SLC22A25: variants seen among roughly 807,000 people sequenced by gnomAD.
SLC22A25 encodes the protein MGI:2442751, MGI:2385316, MGI:3042283, MGI:3645714, MGI:3605624, MGI:2442750.
SLC22A25 carries 44 observed loss-of-function variants against 45.9 expected under a neutral mutation model. That is an observed-to-expected ratio of 0.96 (90% CI 0.75 to 1.23). The LOEUF (loss-of-function observed/expected upper bound fraction) is 1.23, where lower values mean the gene tolerates loss of function less well. Ranked by LOEUF, SLC22A25 falls within the 50% of genes most tolerant of loss-of-function variation. The pLI is 0.00. For missense variants in SLC22A25, 800 were observed against 666.4 expected (o/e 1.20, Z -2.21); for synonymous variants, 283 against 238.6 (o/e 1.19, Z -1.72).
At chr11:63,241,374 G>T (rs749347223) in intron 1 of SLC22A25, among the ~76,000 whole-genome samples, 3 of 152,042 alleles carry the variant, frequency 2.0e-5, no homozygotes, top group Admixed American at 6.6e-5. Flanking sequence ...ATATTTGATT[G>T]GTTAGTGCTT....
chr11:63,187,531 T>C (rs1238759373), intron 7 of SLC22A25, among the ~76,000 whole-genome samples: 9 of 152,040 alleles, frequency 5.9e-5, no homozygotes. Context: ...ATTGAATACA[T>C]TTATTTCCTT....
At chr11:63,220,142 T>A (rs560624562) in intron 5 of SLC22A25, 2 of 560,296 alleles carry the variant, frequency 3.6e-6, no homozygotes, top group South Asian at 3.6e-5. Flanking sequence ...TTGTAATACC[T>A]CTAAAAAGCT....
At chr11:63,178,933 A>G (rs753504873) in intron 9 of SLC22A25, among the ~76,000 whole-genome samples, 2 of 151,302 alleles carry the variant, frequency 1.3e-5, no homozygotes, top group Non-Finnish European at 2.9e-5. Context: ...TTCTAGTATT[A>G]TCATAGTTTT....
intron 5 of SLC22A25, chr11:63,218,088 T>C (rs1218866435): frequency 1.7e-5 from 8 of 483,002 alleles, no homozygotes; most frequent in Non-Finnish European, 3.3e-5. Flanking sequence ...CACATGTTCA[T>C]TGAAGCACTA....
chr11:63,183,442 C>A (rs916171195), intron 8 of SLC22A25, among the ~76,000 whole-genome samples: 4 of 152,056 alleles, frequency 2.6e-5, no homozygotes, highest in Admixed American at 2.0e-4. Flanking sequence ...GAGTCCAGTG[C>A]AAAATTTGCA....
intron 5 of SLC22A25, among the ~76,000 whole-genome samples, chr11:63,221,978 C>T (rs12416737): frequency 0.37 from 55,663 of 151,828 alleles, 10,506 homozygotes; most frequent in East Asian, 0.56. Flanking sequence ...CATTCTGTTC[C>T]ATTGGTCTAT....
chr11:63,187,398 A>G (rs1046430719), intron 7 of SLC22A25, among the ~76,000 whole-genome samples: 12 of 152,168 alleles, frequency 7.9e-5, no homozygotes, highest in African/African-American at 2.9e-4. Context: ...CTTATTTTAT[A>G]TCCTGAGACT....
chr11:63,215,051 A>C (rs1300341901), intron 7 of SLC22A25, among the ~76,000 whole-genome samples: 1 of 152,212 alleles, frequency 6.6e-6, no homozygotes, highest in Non-Finnish European at 1.5e-5. Flanking sequence ...AGAACCAGAA[A>C]TAACATTTGA....
chr11:63,236,651 T>C (rs901087956), intron 3 of SLC22A25, among the ~76,000 whole-genome samples: 4 of 151,834 alleles, frequency 2.6e-5, no homozygotes, highest in East Asian at 1.9e-4. Flanking sequence ...CCCACTGTCC[T>C]GCACCCACTG....
Position 63,161,232 on chromosome 11 carries a change from A to G in SLC22A25, c.*2592T>C, listed in dbSNP as rs1018375278. Among the ~76,000 whole-genome samples, 4 of 152,196 alleles carry G rather than the reference A, an allele frequency of 2.6e-5. No individual in the cohort carries two copies. The highest frequency in any genetic ancestry group is 1.3e-4 in the Admixed American group (2 of 15,274). On this transcript the variant is annotated 3_prime_UTR_variant, in exon 12 of 12. Coordinates refer to ENST00000306494, the MANE Select transcript of SLC22A25 (RefSeq NM_199352.6). ...CAATGCCTGTACCCCCATTGTATCT[A>G]GGAAGTAACCAATTTCTTTTGATTT...
At chr11:63,214,835 A>C (rs1057159326) in intron 7 of SLC22A25, among the ~76,000 whole-genome samples, 2 of 152,006 alleles carry the variant, frequency 1.3e-5, no homozygotes, top group African/African-American at 4.8e-5. Context: ...TAAATAATAA[A>C]TATCCTCCTG....
At position 63,229,625 on chromosome 11, in the gene SLC22A25, C is replaced by T. The variant is rs769778642; in HGVS notation, c.28G>A (p.Val10Ile). MAFQDLLDQ[V>I]GGLGRFQILQ... is the part of the protein sequence containing the mutation. ...ATCTGGAATCTCCCCAGGCCTCCAA[C>T]TTGATCTAGGAGGTCCTGAAAGGCC... The change falls in exon 4 of 12, where the codon GTT becomes ATT. Residue 10 changes from valine to isoleucine, a missense_variant. Coordinates refer to ENST00000306494, the MANE Select transcript of SLC22A25 (RefSeq NM_199352.6). The T allele has an allele frequency of 1.4e-5, 22 of 1,609,040 alleles. No homozygotes were observed. The highest frequency in any genetic ancestry group is 1.8e-5 in the Non-Finnish European group (21 of 1,175,750).
intron 9 of SLC22A25, among the ~76,000 whole-genome samples, chr11:63,170,966 C>T (rs994176899): frequency 4.6e-5 from 7 of 152,064 alleles, no homozygotes; most frequent in African/African-American, 9.7e-5. Flanking sequence ...TTATCCACCA[C>T]GATTAAGTAG....
At chr11:63,213,752 C>T (rs2089639185) in intron 7 of SLC22A25, among the ~76,000 whole-genome samples, 1 of 152,142 alleles carries the variant, frequency 6.6e-6, no homozygotes, top group Non-Finnish European at 1.5e-5. Flanking sequence ...CCCACTGTTG[C>T]ATAAATATGG....
intron 3 of SLC22A25, among the ~76,000 whole-genome samples, chr11:63,235,534 T>A (rs937468421): frequency 2.0e-5 from 3 of 152,212 alleles, no homozygotes; most frequent in Non-Finnish European, 4.4e-5. Flanking sequence ...GTTATTCTAG[T>A]TATCCATTCA....
intron 9 of SLC22A25, among the ~76,000 whole-genome samples, chr11:63,173,526 T>C (rs951450040): frequency 6.6e-6 from 1 of 152,144 alleles, no homozygotes; most frequent in Non-Finnish European, 1.5e-5. Flanking sequence ...GAGGCAGGGC[T>C]CAGTCACCCT....
chr11:63,181,671 T>A (rs550952051), intron 8 of SLC22A25, among the ~76,000 whole-genome samples: 1 of 152,192 alleles, frequency 6.6e-6, no homozygotes, highest in South Asian at 2.1e-4. Context: ...GAGACAGGCA[T>A]GCTGTAGTGC....
Position 63,210,687 on chromosome 11 carries a change from C to T in SLC22A25, c.830+6627G>A, listed in dbSNP as rs939718540. Among the ~76,000 whole-genome samples the T allele has an allele frequency of 3.9e-5, 6 of 151,934 alleles. No homozygotes were observed. In the South Asian group the frequency reaches 6.2e-4, roughly 16 times the overall value. On this transcript the variant is annotated intron_variant, in intron 7 of 11. Coordinates refer to ENST00000306494, the MANE Select transcript of SLC22A25 (RefSeq NM_199352.6). Reference sequence around the variant, plus strand: ...TATGGTGTCTATGGAAGTAGGGGGCCGATTAATGGATTTTTTGGTTGATAC... The same window carrying T: ...TATGGTGTCTATGGAAGTAGGGGGCTGATTAATGGATTTTTTGGTTGATAC...
At position 63,198,374 on chromosome 11, in the gene SLC22A25, C is replaced by T. The variant is rs372775551; in HGVS notation, c.831-14557G>A. 4.2e-3 allele frequency among the ~76,000 whole-genome samples: 632 copies of T among 152,170 alleles called. 6 individuals carry two copies. Among genetic ancestry groups the T allele is most frequent in the African/African-American group, 0.014 (575 of 41,522 alleles). ...ATTAAGAAAATATGACACATATAAA[C>T]CATGGAATACTATGCAGCCATAAGG... On this transcript the variant is annotated intron_variant, in intron 7 of 11. Coordinates refer to ENST00000306494, the MANE Select transcript of SLC22A25 (RefSeq NM_199352.6).
Sources: allele counts gnomAD v4.1 joint callset (sites outside exome capture counted in the v4.1 genomes callset), GRCh38; gene constraint gnomAD v4.1.1; transcripts MANE v1.5; gene names NCBI Gene and HGNC (gene_info 2026-07-23, HGNC 2026-07-21).